PTCH2: variants seen among roughly 807,000 people sequenced by gnomAD.
The protein encoded by PTCH2 is patched 2.
A neutral mutation model predicts 117.9 loss-of-function variants in PTCH2; 96 were observed. The observed-to-expected ratio is 0.81, with a 90% confidence interval of 0.69 to 0.96. The LOEUF (loss-of-function observed/expected upper bound fraction) is 0.96, where lower values mean the gene tolerates loss of function less well. PTCH2 is among the 50% of genes least tolerant of loss of function. PTCH2 has a pLI of 0.00. For missense variants in PTCH2, 1,379 were observed against 1,562.5 expected (o/e 0.88, Z 1.98); for synonymous variants, 615 against 660.9 (o/e 0.93, Z 1.06).
Position 44,830,743 on chromosome 1 carries a change from G to A in PTCH2, c.813+105C>T, listed in dbSNP as rs548672242. 117 of 1,168,384 alleles carry A rather than the reference G, an allele frequency of 1.0e-4. 1 individual carries two copies. In the South Asian group the frequency reaches 1.6e-3, roughly 16 times the overall value. The allele number at this position is 1,168,384 out of a possible 1,614,324, so 72.4% of individuals were successfully genotyped here. A position where few individuals can be genotyped will look rare whatever the true frequency, so the allele number is the denominator to read the frequency against. Reference sequence around the variant, plus strand: ...AGCAGGGTAATAATGGCCAGGAAGTGGGGGGTCAGGGCACAGAGCAGTCAG... The same window carrying A: ...AGCAGGGTAATAATGGCCAGGAAGTAGGGGGTCAGGGCACAGAGCAGTCAG... On this transcript the variant is annotated intron_variant, in intron 6 of 21. Coordinates refer to ENST00000372192, the MANE Select transcript of PTCH2 (RefSeq NM_003738.5).
chr1:44,828,974 G>C lies in PTCH2; in HGVS notation c.1464+8C>G. On this transcript the variant is annotated splice_region_variant and intron_variant, in intron 11 of 21. Coordinates refer to ENST00000372192, the MANE Select transcript of PTCH2 (RefSeq NM_003738.5). ...GCCTCAGATGAGCCCTGGGGGACAA[G>C]GCCCCACCTGGAGAGGGGTGCCAGG... The C allele has an allele frequency of 1.9e-6, 3 of 1,553,038 alleles. No homozygotes were observed. The highest frequency in any genetic ancestry group is 2.6e-6 in the Non-Finnish European group (3 of 1,147,662).
chr1:44,822,770 C>T, intron 21 of PTCH2, 101 bp from the exon 22 acceptor site: 1 of 1,293,892 alleles, frequency 7.7e-7, no homozygotes, highest in Non-Finnish European at 1.1e-6. Context: ...GAAGCTGGGG[C>T]CCTTGTTGGT....
Position 44,828,041 on chromosome 1 carries a change from T to G in PTCH2, c.1860A>C (p.Gln620His), listed in dbSNP as rs1653242888. Residue 620 changes from glutamine (Q) to histidine (H), a missense_variant, in exon 14 of 22, where the codon CAA (glutamine) becomes CAC (histidine). By Grantham distance (24) the Gln-to-His change is conservative (BLOSUM62 0). Coordinates refer to ENST00000372192, the MANE Select transcript of PTCH2 (RefSeq NM_003738.5). ...CAGAAGGTGGGGGCACCAGGTGGGC[T>G]TGGGGAGGCAGGATGGTGACCACAT... ...SQHVVTILPP[Q>H]AHLVPPPSDP... 1 of 1,614,032 alleles carries G rather than the reference T, an allele frequency of 6.2e-7. No individual in the cohort carries two copies. The highest frequency in any genetic ancestry group is 1.3e-5 in the African/African-American group (1 of 74,930).
Position 44,841,926 on chromosome 1 carries a change from T to A in PTCH2, c.186A>T (p.Gly62=). 6.2e-7 allele frequency: 1 copy of A among 1,614,126 alleles called. No individual in the cohort carries two copies. Among genetic ancestry groups the A allele is most frequent in the Non-Finnish European group, 8.5e-7 (1 of 1,180,008 alleles). ...ATGCCAGGGCCCCAAAGGCCAACAGTCCCAGAAAGAGCACTTTGCCACAAT... is the reference window on the plus strand; with the variant it reads ...ATGCCAGGGCCCCAAAGGCCAACAGACCCAGAAAGAGCACTTTGCCACAAT... ...QRHCGKVLFL[G]LLAFGALALG... Residue 62 remains glycine, a synonymous_variant, in exon 2 of 22, where the codon GGA becomes GGT. Transcript: ENST00000372192.
At chr1:44,822,961 T>G in intron 21 of PTCH2, 108 bp downstream of exon 21, 6 of 1,254,248 alleles carry the variant, frequency 4.8e-6, no homozygotes, top group Non-Finnish European at 5.7e-6. Context: ...GTGGCACCTG[T>G]TGGGGAGGTA....
At chr1:44,827,735 G>T in intron 14 of PTCH2, 21 bp from the exon 15 acceptor site, 1 of 1,611,046 alleles carries the variant, frequency 6.2e-7, no homozygotes, top group South Asian at 1.1e-5. Flanking sequence ...TAGCAACTAA[G>T]CTGGAGACCC....
rs569980665 is a variant in PTCH2 at position 44,842,437 on chromosome 1, G to A, written c.73-398C>T. 2.0e-4 allele frequency among the ~76,000 whole-genome samples: 30 copies of A among 151,848 alleles called. No individual in the cohort carries two copies. In the East Asian group the frequency reaches 5.0e-3, roughly 26 times the overall value. The stretch of plus-strand genomic sequence containing the variant: ...TGGGACTACAGGCGCCCGCCACCAC[G>A]CCCTGCTAATTTTTTATTTTTAGTA... On this transcript the variant is annotated intron_variant, in intron 1 of 21. Coordinates refer to ENST00000372192, the MANE Select transcript of PTCH2 (RefSeq NM_003738.5).
chr1:44,838,651 G>C (rs903006524), intron 2 of PTCH2, among the ~76,000 whole-genome samples: 10 of 152,308 alleles, frequency 6.6e-5, no homozygotes, highest in African/African-American at 2.4e-4. Context: ...AAGTTAAGGA[G>C]GACCCTGAAC....
In PTCH2 at chr1:44,822,550, G is replaced by A. The variant is rs753257585; in HGVS notation, c.3477C>T (p.Ser1159=). 5 of 1,614,010 alleles carry A rather than the reference G, an allele frequency of 3.1e-6. No individual in the cohort carries two copies. The highest frequency in any genetic ancestry group is 4.2e-6 in the Non-Finnish European group (5 of 1,180,010). ...GGGGTGGGTGGATGGCCACGGTCATGGAGGTAGTCACTCTGGCAAAGCTCT... is the reference window on the plus strand; with the variant it reads ...GGGGTGGGTGGATGGCCACGGTCATAGAGGTAGTCACTCTGGCAAAGCTCT... The part of the protein sequence containing the change: ...LPQSFARVTT[S]MTVAIHPPPL... The change falls in exon 22 of 22, where the codon TCC becomes TCT. Residue 1159 remains serine, a synonymous_variant. Transcript: ENST00000372192.
chr1:44,832,249 G>T lies in PTCH2; in HGVS notation c.358C>A (p.Arg120Ser). The T allele has an allele frequency of 6.2e-7, 1 of 1,614,188 alleles. No individual in the cohort carries two copies. The highest frequency in any genetic ancestry group is 8.5e-7 in the Non-Finnish European group (1 of 1,180,034). The change falls in exon 3 of 22, where the codon CGC becomes AGC. Residue 120 changes from arginine (R) to serine (S), a missense_variant. Physicochemically the swap from Arg to Ser is moderately radical, Grantham distance 110 (BLOSUM62 -1). Transcript: ENST00000372192. ...YTSQMLIQTA[R>S]QEGENILTPE... The stretch of plus-strand genomic sequence containing the variant: ...GTGAGGATGTTCTCTCCCTCCTGGC[G>T]TGCGGTCTGTATCAGCATCTGAGAG...
intron 2 of PTCH2, among the ~76,000 whole-genome samples, chr1:44,835,815 G>A (rs1653659473): frequency 6.6e-6 from 1 of 152,200 alleles, no homozygotes; most frequent in African/African-American, 2.4e-5. Flanking sequence ...CCTGGACCAG[G>A]TGTGCGCAGG....
intron 11 of PTCH2, 132 bp downstream of exon 11, chr1:44,828,850 A>G: frequency 3.3e-6 from 4 of 1,219,242 alleles, no homozygotes; most frequent in African/African-American, 1.5e-5. Context: ...ACACAGCACT[A>G]TTATTTCCCC....
chr1:44,839,345 G>C (rs1029433111), intron 2 of PTCH2, among the ~76,000 whole-genome samples: 3 of 112,936 alleles, frequency 2.7e-5, no homozygotes, highest in African/African-American at 1.0e-4. Flanking sequence ...CTGGGCAACA[G>C]AGCAAGACTT....
In PTCH2 at chr1:44,823,318, G is replaced by T. The variant is rs528473003; in HGVS notation, c.3182C>A (p.Pro1061His). 1.9e-6 allele frequency: 3 copies of T among 1,614,220 alleles called. No individual in the cohort carries two copies. The highest frequency in any genetic ancestry group is 2.5e-6 in the Non-Finnish European group (3 of 1,180,038). Residue 1061 changes from proline to histidine, a missense_variant, in exon 20 of 22, where the codon CCC becomes CAC. Pro to His is a moderately conservative substitution (Grantham distance 77). Transcript: ENST00000372192. The surrounding 1 kb of genome is among the most constrained non-coding windows in gnomAD (Gnocchi z 5.1). ...TGTGGAGATGGCCCCATCGGTCACGGGGGCAAATGTGTGCTCAAGGGCATG... is the reference window on the plus strand; with the variant it reads ...TGTGGAGATGGCCCCATCGGTCACGTGGGCAAATGTGTGCTCAAGGGCATG... Reference protein sequence around the residue: ...AAHALEHTFAPVTDGAISTLL... With the variant: ...AAHALEHTFAHVTDGAISTLL...
rs1172446708 is a variant in PTCH2, at chr1:44,829,660, T to C, written c.1037A>G (p.Glu346Gly). The C allele has an allele frequency of 6.2e-6, 10 of 1,614,158 alleles. No homozygotes were observed. In the South Asian group the frequency reaches 1.1e-4, roughly 18 times the overall value. ...GGCTTGTAGCACTGTGCTGGCCTGC[T>C]CCTCACTCCAGCCAATGTCATGTGT... ...YQTHDIGWSE[E>G]QASTVLQAWQ... is the part of the protein sequence containing the mutation. Residue 346 changes from glutamate (E) to glycine (G), a missense_variant, in exon 8 of 22, where the codon GAG (glutamate) becomes GGG (glycine). By Grantham distance (98) the Glu-to-Gly change is moderately conservative. Transcript: ENST00000372192.
chr1:44,834,104 A>C (rs137899614), intron 2 of PTCH2, among the ~76,000 whole-genome samples: 1 of 146,638 alleles, frequency 6.8e-6, no homozygotes. Context: ...CCTGCTCCCC[A>C]CACTGCCAGT....
chr1:44,841,384 CA>C (rs1653942965), intron 2 of PTCH2, among the ~76,000 whole-genome samples: 1 of 152,170 alleles, frequency 6.6e-6, no homozygotes, highest in Non-Finnish European at 1.5e-5. Context: ...TCAGTTTCCC[CA>C]GCCTTCTAGT....
At chr1:44,819,967 A>ATTTATG (rs1652841243), downstream of PTCH2, 1 of 154,090 alleles carries the variant, frequency 6.5e-6, no homozygotes, top group Admixed American at 6.4e-5. Flanking sequence ...AAGGCGAAAG[A>ATTTATG]TTTATGCGCT....
At chr1:44,840,163 G>C (rs1438784508) in intron 2 of PTCH2, among the ~76,000 whole-genome samples, 2 of 149,286 alleles carry the variant, frequency 1.3e-5, no homozygotes, top group African/African-American at 2.5e-5. Flanking sequence ...AGTGCAGTGC[G>C]GCGATCTTGG....
Sources: allele counts gnomAD v4.1 joint callset (sites outside exome capture counted in the v4.1 genomes callset), GRCh38; gene constraint gnomAD v4.1.1; non-coding constraint Gnocchi (gnomAD v3.1); transcripts MANE v1.5; gene names NCBI Gene and HGNC (gene_info 2026-07-23, HGNC 2026-07-21).